The following CTNNA3 variants were observed in gnomAD, a reference collection of about 807,000 sequenced individuals.
CTNNA3 encodes catenin alpha 3, also known as catenin alpha-3.
Under a neutral mutation model 95.7 loss-of-function variants are expected in CTNNA3, and 76 were observed. That is an observed-to-expected ratio of 0.79 (90% confidence interval 0.66 to 0.96). The LOEUF (loss-of-function observed/expected upper bound fraction) is 0.96. Among genes scored for constraint, CTNNA3 ranks in the 40% least tolerant of loss-of-function variants. The probability of loss-of-function intolerance (pLI) is 0.00; values close to 1 mark genes in which losing one functional copy is unlikely to be tolerated. For synonymous variants in CTNNA3, 431 were observed against 374.4 expected (o/e 1.15, Z -1.74); for missense variants, 1,191 against 1,089.8 (o/e 1.09, Z -1.31).
At chr10:65,935,685 G>C (rs1455706851) in intron 17 of CTNNA3, among the ~76,000 whole-genome samples, 2 of 152,082 alleles carry the variant, frequency 1.3e-5, no homozygotes, top group African/African-American at 2.4e-5. Flanking sequence ...TAGGGTCACG[G>C]AGAACATTCA....
chr10:67,059,478 T>C (rs1855632631), intron 7 of CTNNA3, among the ~76,000 whole-genome samples: 2 of 152,174 alleles, frequency 1.3e-5, no homozygotes, highest in African/African-American at 4.8e-5. Flanking sequence ...CAAGAATGAA[T>C]TTAGGTCGAA....
intron 7 of CTNNA3, among the ~76,000 whole-genome samples, chr10:66,824,671 T>G (rs1221162811): frequency 6.6e-6 from 1 of 152,168 alleles, no homozygotes; most frequent in East Asian, 1.9e-4. Flanking sequence ...AAGCAGACAG[T>G]ATGTGGGAAA....
chr10:66,596,991 T>C (rs1264149775), intron 10 of CTNNA3, among the ~76,000 whole-genome samples: 1 of 148,746 alleles, frequency 6.7e-6, no homozygotes, highest in Non-Finnish European at 1.5e-5. Flanking sequence ...TGGAAACATA[T>C]TAATAAAAAA....
chr10:66,304,898 C>A (rs969666379), intron 12 of CTNNA3, among the ~76,000 whole-genome samples: 1 of 152,086 alleles, frequency 6.6e-6, no homozygotes, highest in African/African-American at 2.4e-5. Flanking sequence ...ATTTTAAGTA[C>A]ATATATGTTA....
intron 9 of CTNNA3, among the ~76,000 whole-genome samples, chr10:66,655,157 A>G (rs1846032092): frequency 1.3e-5 from 2 of 152,092 alleles, no homozygotes; most frequent in African/African-American, 2.4e-5. Context: ...CCTTTCCACA[A>G]TGTATACATA....
chr10:66,202,073 A>G (rs2087461919), intron 13 of CTNNA3, among the ~76,000 whole-genome samples: 1 of 152,050 alleles, frequency 6.6e-6, no homozygotes, highest in South Asian at 2.1e-4. Flanking sequence ...GGTGCGAGCC[A>G]CCACACCTGG....
intron 4 of CTNNA3, among the ~76,000 whole-genome samples, chr10:67,532,270 A>C (rs1358469737): frequency 2.0e-5 from 3 of 152,096 alleles, no homozygotes; most frequent in Admixed American, 6.5e-5. Flanking sequence ...TTTTCCCTTT[A>C]TCAGCTGCTG....
intron 7 of CTNNA3, among the ~76,000 whole-genome samples, chr10:66,806,856 T>C (rs1287981226): frequency 1.3e-5 from 2 of 151,560 alleles, no homozygotes; most frequent in African/African-American, 4.9e-5. Flanking sequence ...ATTCGGCAAG[T>C]ATTTTGTACA....
At chr10:67,198,251 T>C (rs1410112104) in intron 6 of CTNNA3, among the ~76,000 whole-genome samples, 1 of 152,138 alleles carries the variant, frequency 6.6e-6, no homozygotes, top group Non-Finnish European at 1.5e-5. Flanking sequence ...AGGTGGTTGA[T>C]GGTTGATTGA....
chr10:66,663,259 G>A (rs1022634650), intron 9 of CTNNA3, among the ~76,000 whole-genome samples: 3 of 151,534 alleles, frequency 2.0e-5, no homozygotes, highest in African/African-American at 7.3e-5. Flanking sequence ...CCTTACAATG[G>A]CCTAAAAGCT....
At chr10:67,193,785 G>A (rs1179719462) in intron 6 of CTNNA3, among the ~76,000 whole-genome samples, 1 of 130,622 alleles carries the variant, frequency 7.7e-6, no homozygotes, top group Non-Finnish European at 1.5e-5. Flanking sequence ...ATTGTGAATA[G>A]TGCCGCAATG....
rs571355099 is a variant in CTNNA3, at chr10:65,974,855, T to C, written c.2266-8109A>G. Among the ~76,000 whole-genome samples, 100 of 152,324 alleles carry C rather than the reference T, an allele frequency of 6.6e-4. 1 individual carries two copies. The highest frequency in any genetic ancestry group is 1.1e-3 in the Non-Finnish European group (77 of 68,012). ...TGATATAATCAATACTTTTATTTTATTCAAATTTTGTATATCTTAAATATA... is the reference window on the plus strand; with the variant it reads ...TGATATAATCAATACTTTTATTTTACTCAAATTTTGTATATCTTAAATATA... On this transcript the variant is annotated intron_variant, in intron 16 of 17. Transcript: ENST00000433211.
chr10:66,445,264 G>A (rs933100943), intron 11 of CTNNA3, among the ~76,000 whole-genome samples: 3 of 151,916 alleles, frequency 2.0e-5, no homozygotes, highest in African/African-American at 4.8e-5. Context: ...ACAGATTAAC[G>A]AGACAGAAAG....
intron 7 of CTNNA3, among the ~76,000 whole-genome samples, chr10:66,846,395 T>G (rs1339571642): frequency 6.6e-6 from 1 of 151,992 alleles, no homozygotes; most frequent in African/African-American, 2.4e-5. Context: ...ATGTATAGCG[T>G]GGTGACTATA....
chr10:66,609,461 T>C (rs990342020), intron 10 of CTNNA3, among the ~76,000 whole-genome samples: 15 of 150,478 alleles, frequency 1.0e-4, no homozygotes, highest in Non-Finnish European at 1.8e-4. Flanking sequence ...TGAACACTTT[T>C]CTAAAGAAGA....
At chr10:67,262,654 T>C (rs927917689) in intron 5 of CTNNA3, among the ~76,000 whole-genome samples, 1 of 152,168 alleles carries the variant, frequency 6.6e-6, no homozygotes, top group Admixed American at 6.5e-5. Context: ...ATACTCCCTC[T>C]GTGATTTCAC....
chr10:65,959,197 G>A (rs528793953), intron 17 of CTNNA3, among the ~76,000 whole-genome samples: 1 of 152,290 alleles, frequency 6.6e-6, no homozygotes, highest in African/African-American at 2.4e-5. Flanking sequence ...CGAGCCAGGT[G>A]TGGGATATAA....
At chr10:66,016,019 C>G (rs1489318205) in intron 15 of CTNNA3, among the ~76,000 whole-genome samples, 1 of 152,100 alleles carries the variant, frequency 6.6e-6, no homozygotes, top group South Asian at 2.1e-4. Context: ...TTTATAGCAT[C>G]TGTTTTCTAA....
chr10:67,178,746 AAAT>A (rs1489546414), intron 7 of CTNNA3, among the ~76,000 whole-genome samples: 2 of 152,150 alleles, frequency 1.3e-5, no homozygotes, highest in African/African-American at 2.4e-5. Context: ...GTAAAGAGGA[AAAT>A]AATAATTGTA....
Sources: allele counts gnomAD v4.1 joint callset (sites outside exome capture counted in the v4.1 genomes callset), GRCh38; gene constraint gnomAD v4.1.1; transcripts MANE v1.5; gene names NCBI Gene and HGNC (gene_info 2026-07-23, HGNC 2026-07-21).